Variants in PCSK5 observed in about 807,000 individuals in gnomAD.
PCSK5 encodes the protein proprotein convertase subtilisin/kexin type 5.
Under a neutral mutation model 233.2 loss-of-function variants are expected in PCSK5, and 129 were observed. That is an observed-to-expected ratio of 0.55 (90% confidence interval 0.48 to 0.64). The LOEUF is 0.64. Ranked by LOEUF, PCSK5 falls within the 30% of genes least tolerant of loss-of-function variation. The pLI is 0.00. For synonymous variants in PCSK5, 825 were observed against 879.2 expected (o/e 0.94, Z 1.09); for missense variants, 2,076 against 2,430.1 (o/e 0.85, Z 3.06).
chr9:76,091,384 A>G (rs1303072883), intron 7 of PCSK5, among the ~76,000 whole-genome samples: 1 of 152,064 alleles, frequency 6.6e-6, no homozygotes, highest in Non-Finnish European at 1.5e-5. Context: ...CTCTGTTTAT[A>G]AGGACACCAG....
chr9:76,101,159 T>C (rs1831740747), intron 8 of PCSK5, among the ~76,000 whole-genome samples: 1 of 152,198 alleles, frequency 6.6e-6, no homozygotes, highest in Admixed American at 6.5e-5. Context: ...GGAAACTACT[T>C]GAGGATGAAG....
chr9:76,036,444 C>A (rs1828862750), intron 5 of PCSK5, among the ~76,000 whole-genome samples: 1 of 152,126 alleles, frequency 6.6e-6, no homozygotes, highest in Admixed American at 6.6e-5. Context: ...AAATATTCTG[C>A]TTTTAGAGGA....
rs539933060 is a variant in PCSK5 at position 76,096,139 on chromosome 9, T to C, written c.1107+37T>C. ...GTGCATGCCCATCATGATCTGTTTA[T>C]TTAATGTTCACTTTGAAATACAAAG... On this transcript the variant is annotated intron_variant, in intron 8 of 37. Transcript: ENST00000674117. 3.9e-5 allele frequency: 52 copies of C among 1,349,286 alleles called. 1 individual carries two copies. The highest frequency in any genetic ancestry group is 4.0e-4 in the Middle Eastern group (2 of 5,046). 83.6% of individuals were successfully genotyped at this position (1,349,286 alleles called of 1,614,324 possible).
intron 2 of PCSK5, among the ~76,000 whole-genome samples, chr9:75,965,132 C>A (rs542866791): frequency 6.6e-6 from 1 of 152,182 alleles, no homozygotes; most frequent in Admixed American, 6.5e-5. Flanking sequence ...TGTGGGAGGA[C>A]ACAAGAGGCA....
intron 2 of PCSK5, among the ~76,000 whole-genome samples, chr9:75,961,881 A>G (rs980615072): frequency 6.6e-6 from 1 of 152,210 alleles, no homozygotes; most frequent in Non-Finnish European, 1.5e-5. Flanking sequence ...TAGTAAATTT[A>G]AACTAGCACG....
intron 9 of PCSK5, among the ~76,000 whole-genome samples, chr9:76,111,978 G>C (rs761765995): frequency 2.7e-4 from 41 of 152,130 alleles, no homozygotes; most frequent in Non-Finnish European, 5.3e-4. Flanking sequence ...AGTACAGAGT[G>C]CTCAGAATAA....
intron 2 of PCSK5, among the ~76,000 whole-genome samples, chr9:75,945,035 G>C (rs1824499763): frequency 6.6e-6 from 1 of 150,822 alleles, no homozygotes; most frequent in African/African-American, 2.4e-5. Context: ...CTTGAACTCG[G>C]GAGGTGGAGG....
At chr9:76,321,693 G>A in intron 31 of PCSK5, 54 bp downstream of exon 31, 1 of 1,193,050 alleles carries the variant, frequency 8.4e-7, no homozygotes, top group Non-Finnish European at 1.2e-6. Context: ...ACCAGTTGGG[G>A]GCCGATTATC....
chr9:75,915,899 A>T (rs928737850), intron 1 of PCSK5, among the ~76,000 whole-genome samples: 1 of 152,218 alleles, frequency 6.6e-6, no homozygotes, highest in African/African-American at 2.4e-5. Context: ...AACTCAATCT[A>T]GTGCGGGAAG....
At chr9:76,249,862 A>G (rs964061626) in intron 24 of PCSK5, among the ~76,000 whole-genome samples, 2 of 152,224 alleles carry the variant, frequency 1.3e-5, no homozygotes, top group East Asian at 1.9e-4. Context: ...AATAATATAG[A>G]TAGAATGGTA....
intron 24 of PCSK5, among the ~76,000 whole-genome samples, chr9:76,244,124 G>T (rs1275731466): frequency 1.3e-5 from 2 of 152,182 alleles, no homozygotes; most frequent in Admixed American, 6.5e-5. Flanking sequence ...TACTCAGGAA[G>T]TTGAGGTGGG....
chr9:76,323,077 C>A lies in PCSK5; in HGVS notation c.4128C>A (p.His1376Gln), dbSNP rs543309759. 1 of 1,605,966 alleles carries A rather than the reference C, an allele frequency of 6.2e-7. No individual in the cohort carries two copies. The highest frequency in any genetic ancestry group is 1.1e-5 in the South Asian group (1 of 90,016). Residue 1376 changes from histidine (H) to glutamine (Q), a missense_variant, in exon 32 of 38, where the codon CAC (histidine) becomes CAA (glutamine). By Grantham distance (24) the His-to-Gln change is conservative. Coordinates refer to ENST00000674117, the MANE Select transcript of PCSK5 (RefSeq NM_001372043.1). ...CKECTPEFFL[H>Q]DDMCHQSCPR... The stretch of plus-strand genomic sequence containing the variant: ...AGTGCACGCCTGAGTTCTTCCTGCA[C>A]GATGATATGTGCCACCAGTCCTGTC...
At chr9:76,010,602 C>T (rs1325217060) in intron 3 of PCSK5, among the ~76,000 whole-genome samples, 1 of 152,178 alleles carries the variant, frequency 6.6e-6, no homozygotes, top group Non-Finnish European at 1.5e-5. Flanking sequence ...TAACATCTTT[C>T]AACATCTTTC....
At chr9:76,322,359 C>T (rs920267931) in intron 31 of PCSK5, among the ~76,000 whole-genome samples, 4 of 152,140 alleles carry the variant, frequency 2.6e-5, no homozygotes, top group African/African-American at 9.7e-5. Flanking sequence ...AAAGTTCGGG[C>T]AACTATGACT....
At chr9:76,103,602 G>C (rs750844029) in intron 8 of PCSK5, among the ~76,000 whole-genome samples, 6 of 152,270 alleles carry the variant, frequency 3.9e-5, no homozygotes, top group Middle Eastern at 3.4e-3. Context: ...CTTAGTGGAG[G>C]CTGTCTAAAC....
chr9:76,148,488 A>C (rs984177174), intron 10 of PCSK5, among the ~76,000 whole-genome samples: 1 of 152,004 alleles, frequency 6.6e-6, no homozygotes, highest in African/African-American at 2.4e-5. Context: ...TACGTCTTCA[A>C]CATTGACTTC....
At chr9:76,285,561 G>T (rs942192440) in intron 24 of PCSK5, among the ~76,000 whole-genome samples, 2 of 152,144 alleles carry the variant, frequency 1.3e-5, no homozygotes, top group East Asian at 1.9e-4. Context: ...GGTAGGGGGG[G>T]AGTCTGGCTT....
At chr9:76,143,225 T>C (rs1292552193) in intron 10 of PCSK5, among the ~76,000 whole-genome samples, 2 of 152,020 alleles carry the variant, frequency 1.3e-5, no homozygotes, top group African/African-American at 2.4e-5. Context: ...GAGACAGCCA[T>C]GGTGAAGGCA....
chr9:76,109,439 T>TAA (rs57063668), intron 9 of PCSK5, among the ~76,000 whole-genome samples: 57,034 of 150,690 alleles, frequency 0.38, 11,143 homozygotes, highest in African/African-American at 0.46. Flanking sequence ...ATTATTTTTT[T>TAA]AAAAAAAAAA....
Sources: gnomAD v4.1 joint callset for allele counts (sites outside exome capture counted in the v4.1 genomes callset) on GRCh38, gnomAD v4.1.1 for gene constraint, MANE v1.5 for transcripts, NCBI Gene and HGNC (gene_info 2026-07-23, HGNC 2026-07-21) for gene names.